PRR5L: variants seen among roughly 807,000 people sequenced by gnomAD.
PRR5L encodes the protein proline rich 5 like, also known as proline-rich protein 5-like.
A neutral mutation model predicts 36.4 loss-of-function variants in PRR5L; 21 were observed. The observed-to-expected ratio is 0.58, with a 90% CI of 0.41 to 0.83. The LOEUF is 0.83. Ranked by LOEUF, PRR5L falls within the 40% of genes least tolerant of loss-of-function variation. The probability of loss-of-function intolerance (pLI) is 0.00; values close to 1 mark genes in which losing one functional copy is unlikely to be tolerated. For missense variants in PRR5L, 381 were observed against 473.3 expected (o/e 0.80, Z 1.81); for synonymous variants, 188 against 197.0 (o/e 0.95, Z 0.38).
At chr11:36,351,107 ATATT>A (rs1440743234) in intron 1 of PRR5L, among the ~76,000 whole-genome samples, 1 of 108,218 alleles carries the variant, frequency 9.2e-6, no homozygotes, top group Non-Finnish European at 1.7e-5. Context: ...ATATAAATAT[ATATT>A]TATAAATATA....
intron 3 of PRR5L, 130 bp from the exon 4 acceptor site, chr11:36,419,125 C>T: frequency 2.6e-6 from 2 of 777,856 alleles, no homozygotes; most frequent in East Asian, 2.4e-5. Context: ...GGAAGGGGGA[C>T]CAGGACCTAA....
chr11:36,424,040 GTTGAATACT>G (rs1317457386), intron 4 of PRR5L, among the ~76,000 whole-genome samples: 1 of 152,202 alleles, frequency 6.6e-6, no homozygotes, highest in African/African-American at 2.4e-5. Context: ...TGTACAATTA[GTTGAATACT>G]TTGATTGTAC....
intron 1 of PRR5L, among the ~76,000 whole-genome samples, chr11:36,315,742 G>A (rs1381965734): frequency 6.6e-6 from 1 of 152,214 alleles, no homozygotes; most frequent in Non-Finnish European, 1.5e-5. Context: ...TTAGTGTTGA[G>A]ATCAAATAAA....
intron 3 of PRR5L, among the ~76,000 whole-genome samples, chr11:36,406,402 C>T (rs1857913450): frequency 6.6e-6 from 1 of 152,158 alleles, no homozygotes; most frequent in Non-Finnish European, 1.5e-5. Flanking sequence ...TACATTCTAG[C>T]CACACTATTT....
chr11:36,356,824 C>A (rs923646462), intron 1 of PRR5L, among the ~76,000 whole-genome samples: 1 of 152,116 alleles, frequency 6.6e-6, no homozygotes, highest in Non-Finnish European at 1.5e-5. Context: ...TTGGTATTTC[C>A]TGAGACACAA....
chr11:36,441,610 G>C (rs984902335), intron 6 of PRR5L, among the ~76,000 whole-genome samples: 1 of 152,194 alleles, frequency 6.6e-6, no homozygotes, highest in Admixed American at 6.5e-5. Flanking sequence ...CCCTTCTTGG[G>C]TCTAGAGGGC....
At chr11:36,356,572 G>A (rs1049545658) in intron 1 of PRR5L, among the ~76,000 whole-genome samples, 2 of 152,114 alleles carry the variant, frequency 1.3e-5, no homozygotes, top group Non-Finnish European at 2.9e-5. Flanking sequence ...TTCCAACAGC[G>A]TGTGCTCACT....
intron 1 of PRR5L, among the ~76,000 whole-genome samples, chr11:36,376,929 C>T (rs933418293): frequency 2.6e-5 from 4 of 152,138 alleles, no homozygotes; most frequent in Admixed American, 2.6e-4. Context: ...GGATCTTACT[C>T]GAGACCACCA....
intron 1 of PRR5L, among the ~76,000 whole-genome samples, chr11:36,371,712 G>A (rs1487500600): frequency 6.6e-6 from 1 of 152,116 alleles, no homozygotes; most frequent in Non-Finnish European, 1.5e-5. Context: ...ACACCTAAAC[G>A]TGGCAGACAT....
At chr11:36,449,963 C>T (rs1201335596) in intron 7 of PRR5L, among the ~76,000 whole-genome samples, 1 of 152,178 alleles carries the variant, frequency 6.6e-6, no homozygotes, top group Non-Finnish European at 1.5e-5. Context: ...AGAAGCCACT[C>T]ATTTTCTCTG....
At chr11:36,426,579 T>A (rs557037523) in intron 4 of PRR5L, among the ~76,000 whole-genome samples, 1 of 152,224 alleles carries the variant, frequency 6.6e-6, no homozygotes, top group Non-Finnish European at 1.5e-5. Context: ...GGGAAAGATA[T>A]GGGCTTTGGA....
intron 2 of PRR5L, among the ~76,000 whole-genome samples, chr11:36,403,077 C>T (rs1857832043): frequency 6.6e-6 from 1 of 152,214 alleles, no homozygotes; most frequent in African/African-American, 2.4e-5. Flanking sequence ...GGGAGGAAGA[C>T]CTGCTGGCTT....
At position 36,381,929 on chromosome 11, in the gene PRR5L, CG is replaced by C. The variant is rs1226929143; in HGVS notation, c.-125-19065del. 2.6e-5 allele frequency among the ~76,000 whole-genome samples: 4 copies of C among 151,974 alleles called. No individual in the cohort carries two copies. In the East Asian group the frequency reaches 7.7e-4, roughly 29 times the overall value. On this transcript the variant is annotated intron_variant, in intron 1 of 8. Transcript: ENST00000530639. ...ATCCCAGCACTTTGGGAGGCCGAGG[CG>C]GGTGGATCATGAGGTCAGGAGATCG...
intron 3 of PRR5L, among the ~76,000 whole-genome samples, chr11:36,411,301 T>C (rs977479356): frequency 1.6e-4 from 25 of 152,154 alleles, no homozygotes; most frequent in African/African-American, 5.8e-4. Context: ...CCTTTACCTT[T>C]AAGCCCACAG....
At chr11:36,305,693 C>T (rs959397470) in intron 1 of PRR5L, among the ~76,000 whole-genome samples, 1 of 152,138 alleles carries the variant, frequency 6.6e-6, no homozygotes, top group Non-Finnish European at 1.5e-5. Flanking sequence ...AGACCCTTCA[C>T]CCCTTCCATC....
intron 1 of PRR5L, among the ~76,000 whole-genome samples, chr11:36,343,905 G>GT (rs1554986223): frequency 0.018 from 2,585 of 147,556 alleles, 57 homozygotes; most frequent in African/African-American, 0.056. Flanking sequence ...GTTTTATGTT[G>GT]TTTTTTTTTT....
intron 3 of PRR5L, among the ~76,000 whole-genome samples, chr11:36,404,828 G>T (rs1857876117): frequency 6.6e-6 from 1 of 152,088 alleles, no homozygotes; most frequent in African/African-American, 2.4e-5. Context: ...TATGGAAAAA[G>T]ACAAAAGATA....
chr11:36,413,436 T>G (rs1030159123), intron 3 of PRR5L, among the ~76,000 whole-genome samples: 5 of 152,184 alleles, frequency 3.3e-5, no homozygotes, highest in Non-Finnish European at 2.9e-5. Context: ...TGGTGGTGGT[T>G]ATTAACTTCA....
intron 1 of PRR5L, among the ~76,000 whole-genome samples, chr11:36,373,176 A>C (rs566987142): frequency 6.6e-6 from 1 of 152,240 alleles, no homozygotes; most frequent in Admixed American, 6.5e-5. Context: ...GATTGGACTG[A>C]CTTCCATTTC....
Sources: gnomAD v4.1 joint callset for allele counts (sites outside exome capture counted in the v4.1 genomes callset) on GRCh38, gnomAD v4.1.1 for gene constraint, MANE v1.5 for transcripts, NCBI Gene and HGNC (gene_info 2026-07-23, HGNC 2026-07-21) for gene names.